The following PAICS variants were observed in gnomAD, a reference collection of about 807,000 sequenced individuals.
PAICS encodes the protein phosphoribosylaminoimidazole carboxylase and phosphoribosylaminoimidazolesuccinocarboxamide synthase, also known as bifunctional phosphoribosylaminoimidazole carboxylase/phosphoribosylaminoimidazole succinocarboxamide synthetase.
In PAICS, 33 loss-of-function variants were observed where a neutral mutation model predicts 53.7. That is an observed-to-expected ratio of 0.61 (90% CI 0.47 to 0.82). The LOEUF (loss-of-function observed/expected upper bound fraction) is 0.82. Ranked by LOEUF, PAICS falls within the 40% of genes least tolerant of loss-of-function variation. PAICS has a pLI of 0.00. For synonymous variants in PAICS, 141 were observed against 167.2 expected (o/e 0.84, Z 1.21); for missense variants, 394 against 494.1 (o/e 0.80, Z 1.92).
intron 5 of PAICS, among the ~76,000 whole-genome samples, chr4:56,449,650 T>C (rs908040683): frequency 1.3e-5 from 2 of 151,750 alleles, no homozygotes; most frequent in African/African-American, 4.8e-5. Context: ...AAATGTGATA[T>C]ACACACACCA....
chr4:56,423,695 A>G, the PAICS span, among the ~76,000 whole-genome samples: 7 of 152,020 alleles, frequency 4.6e-5, no homozygotes, highest in Non-Finnish European at 8.8e-5. Flanking sequence ...CATGCCAAAT[A>G]TGAAATATTT....
intron 8 of PAICS, among the ~76,000 whole-genome samples, chr4:56,454,915 T>TG (rs1326923170): frequency 1.3e-5 from 2 of 152,132 alleles, no homozygotes; most frequent in African/African-American, 4.8e-5. Context: ...CCCAGCACTT[T>TG]GGGAGGCTGA....
intron 8 of PAICS, among the ~76,000 whole-genome samples, chr4:56,456,345 G>A (rs775801718): frequency 6.6e-5 from 10 of 152,168 alleles, no homozygotes; most frequent in Non-Finnish European, 1.3e-4. Flanking sequence ...GCCTGCCCTG[G>A]CCTCCCAAAG....
rs11359661 is a variant in PAICS, at chr4:56,463,694, CAAAAA to C, written c.*4169_*4173del. 2.8e-5 allele frequency: 3 copies of C among 106,764 alleles called. No homozygotes were observed. The highest frequency in any genetic ancestry group is 4.1e-5 in the Non-Finnish European group (2 of 48,514). 6.6% of individuals were successfully genotyped at this position (106,764 alleles called of 1,614,324 possible). A position where few individuals can be genotyped will look rare whatever the true frequency, so the allele number is the denominator to read the frequency against. Reference sequence around the variant, plus strand: ...GGCAACAAGAGCGAAAATCTGTCGCCAAAAAAAAAAAAAAAAAGATACTGTACATG... The same window carrying C: ...GGCAACAAGAGCGAAAATCTGTCGCCAAAAAAAAAAAAGATACTGTACATG... On this transcript the variant is annotated 3_prime_UTR_variant, in exon 9 of 9. Transcript: ENST00000512576.
chr4:56,440,766 T>G (rs1217770631), intron 1 of PAICS, among the ~76,000 whole-genome samples: 1 of 152,166 alleles, frequency 6.6e-6, no homozygotes, highest in Non-Finnish European at 1.5e-5. Flanking sequence ...CAGACTCAGG[T>G]CTCTTGAGAG....
intron 1 of PAICS, 119 bp downstream of exon 1, chr4:56,436,447 C>T (rs368787644): frequency 1.1e-6 from 1 of 872,714 alleles, no homozygotes; most frequent in Non-Finnish European, 1.9e-6. Context: ...TCTAGGCAGC[C>T]GCGCGGGCGC....
chr4:56,427,642 TA>T, the PAICS span, among the ~76,000 whole-genome samples: 4,629 of 140,440 alleles, frequency 0.033, 208 homozygotes, highest in African/African-American at 0.1. Context: ...CCCTGTCTCT[TA>T]AAAAAAAAAA....
intron 2 of PAICS, among the ~76,000 whole-genome samples, chr4:56,446,088 G>A (rs1017309131): frequency 6.6e-6 from 1 of 152,054 alleles, no homozygotes; most frequent in Non-Finnish European, 1.5e-5. Context: ...AAAATGGTTG[G>A]AACAATATCT....
chr4:56,435,770 G>A (rs1337963178), upstream of PAICS: 15 of 1,501,280 alleles, frequency 1.0e-5, no homozygotes, highest in African/African-American at 2.1e-4. Context: ...CCTAAGAGCT[G>A]CCTGGAAAGC....
At chr4:56,434,240 A>C (rs1717770319), upstream of PAICS, among the ~76,000 whole-genome samples, 1 of 152,228 alleles carries the variant, frequency 6.6e-6, no homozygotes, top group African/African-American at 2.4e-5. Flanking sequence ...CTGAAATTGA[A>C]GTACCTGGGA....
intron 8 of PAICS, among the ~76,000 whole-genome samples, chr4:56,457,481 T>C (rs1207532882): frequency 6.6e-6 from 1 of 151,892 alleles, no homozygotes; most frequent in Non-Finnish European, 1.5e-5. Flanking sequence ...GTAGATGGAG[T>C]GGGGAAGGAG....
chr4:56,452,008 A>G lies in PAICS; in HGVS notation c.908A>G (p.His303Arg). 6.2e-7 allele frequency: 1 copy of G among 1,609,396 alleles called. No individual in the cohort carries two copies. Residue 303 changes from histidine (H) to arginine (R), a missense_variant, in exon 7 of 9, where the codon CAT (histidine) becomes CGT (arginine). His to Arg is a conservative substitution (Grantham distance 29). Coordinates refer to ENST00000512576, the MANE Select transcript of PAICS (RefSeq NM_001079524.2). ...IPCELRVTSAHKGPDETLRIK... is the reference protein window; with the variant it reads ...IPCELRVTSARKGPDETLRIK... Reference sequence around the variant, plus strand: ...TGTGAACTTCGAGTAACATCTGCGCATAAAGGACCAGATGAAACTCTGAGG... The same window carrying G: ...TGTGAACTTCGAGTAACATCTGCGCGTAAAGGACCAGATGAAACTCTGAGG...
At chr4:56,448,374 A>G (rs1370754125) in intron 3 of PAICS, 44 bp from the exon 4 acceptor site, 1 of 1,362,238 alleles carries the variant, frequency 7.3e-7, no homozygotes, top group South Asian at 1.6e-5. Context: ...AAAGTTTAAA[A>G]ATTTTAGATT....
In PAICS at chr4:56,436,299, G is replaced by A; in HGVS notation, c.-14G>A. ...CTTCCCGGCGCGGTCGCAGCCCTCA[G>A]CCCACTTAGGATAATGGCGACAGCT... On this transcript the variant is annotated 5_prime_UTR_variant, in exon 1 of 9. Transcript: ENST00000512576. 8.7e-6 allele frequency: 14 copies of A among 1,601,102 alleles called. No individual in the cohort carries two copies. Among genetic ancestry groups the A allele is most frequent in the Non-Finnish European group, 1.2e-5 (14 of 1,174,428 alleles).
rs2110102663 is a variant in PAICS at position 56,459,729 on chromosome 4, A to G, written c.*191A>G. 1 of 491,976 alleles carries G rather than the reference A, an allele frequency of 2.0e-6. No homozygotes were observed. The highest frequency in any genetic ancestry group is 3.1e-5 in the East Asian group (1 of 32,000). 30.5% of individuals were successfully genotyped at this position (491,976 alleles called of 1,614,324 possible). A position where few individuals can be genotyped will look rare whatever the true frequency, so the allele number is the denominator to read the frequency against. On this transcript the variant is annotated 3_prime_UTR_variant, in exon 9 of 9. Coordinates refer to ENST00000512576, the MANE Select transcript of PAICS (RefSeq NM_001079524.2). ...CCCCTCCTTTCTTAGGCTAGACACC[A>G]AGATATTTCAGCCAGCCTTTATCAT...
At chr4:56,435,871 G>A (rs753579684), upstream of PAICS, 29 of 1,484,596 alleles carry the variant, frequency 2.0e-5, 1 homozygote, top group South Asian at 2.5e-4. Flanking sequence ...TTCTCTTTCA[G>A]AGCATTTAGC....
the PAICS span, among the ~76,000 whole-genome samples, chr4:56,412,221 C>T: frequency 6.6e-6 from 1 of 152,030 alleles, no homozygotes; most frequent in South Asian, 2.1e-4. Context: ...CACTCATAAA[C>T]AGAGGGACTA....
chr4:56,435,600 G>C, upstream of PAICS: 1 of 1,538,626 alleles, frequency 6.5e-7, no homozygotes, highest in South Asian at 1.2e-5. Context: ...CCTTCCCGAG[G>C]GTGGCCCCAG....
chr4:56,420,178 A>G, the PAICS span: 1 of 178,604 alleles, frequency 5.6e-6, no homozygotes, highest in Non-Finnish European at 1.1e-5. Flanking sequence ...GAGTATTTGC[A>G]TATACATAGT....
Sources: allele counts gnomAD v4.1 joint callset (sites outside exome capture counted in the v4.1 genomes callset), GRCh38; gene constraint gnomAD v4.1.1; transcripts MANE v1.5; gene names NCBI Gene and HGNC (gene_info 2026-07-23, HGNC 2026-07-21).